The following RORA variants were observed in gnomAD, a reference collection of about 807,000 sequenced individuals.
RORA encodes the protein RAR related orphan receptor A.
In RORA, 7 loss-of-function variants were observed where a neutral mutation model predicts 69.5. That is an observed-to-expected ratio of 0.10 (90% CI 0.06 to 0.19). The LOEUF (loss-of-function observed/expected upper bound fraction) is 0.19, where lower values mean the gene tolerates loss of function less well. RORA is among the 10% of genes least tolerant of loss of function. The pLI is 1.00. For synonymous variants in RORA, 261 were observed against 240.8 expected (o/e 1.08, Z -0.78); for missense variants, 457 against 663.0 (o/e 0.69, Z 3.41).
At chr15:60,762,267 G>T (rs546609651) in intron 1 of RORA, among the ~76,000 whole-genome samples, 151 of 152,240 alleles carry the variant, frequency 9.9e-4, no homozygotes, top group African/African-American at 3.4e-3. Flanking sequence ...GGGATTCCAG[G>T]CAAGATAACA....
At chr15:61,088,804 T>C (rs1213534329) in intron 1 of RORA, among the ~76,000 whole-genome samples, 1 of 152,010 alleles carries the variant, frequency 6.6e-6, no homozygotes, top group South Asian at 2.1e-4. Flanking sequence ...CTATCTAAAG[T>C]CTCCTCCATC....
intron 1 of RORA, among the ~76,000 whole-genome samples, chr15:61,016,391 G>A (rs1042382565): frequency 8.5e-5 from 13 of 152,144 alleles, no homozygotes; most frequent in Non-Finnish European, 1.5e-5. Context: ...TGCAGAAAAT[G>A]GTCTCCCAGG....
intron 1 of RORA, among the ~76,000 whole-genome samples, chr15:61,208,821 T>C (rs186309769): frequency 1.3e-5 from 2 of 152,306 alleles, no homozygotes; most frequent in East Asian, 3.9e-4. Context: ...TTCATTATTT[T>C]GCTTCACATA....
intron 2 of RORA, among the ~76,000 whole-genome samples, chr15:60,629,187 C>CTTTTTTTTTTTTTTTTTTTT (rs34687322): frequency 2.7e-5 from 3 of 112,028 alleles, no homozygotes; most frequent in African/African-American, 1.1e-4. Context: ...ACTGTTTATT[C>CTTTTTTTTTTTTTTTTTTTT]TTTTTTTTTT....
intron 1 of RORA, among the ~76,000 whole-genome samples, chr15:60,829,218 G>C (rs2073005941): frequency 6.6e-6 from 1 of 152,120 alleles, no homozygotes; most frequent in Non-Finnish European, 1.5e-5. Context: ...CAGCAGGAAG[G>C]CTTCATCCCC....
chr15:61,219,357 G>A (rs550105513), intron 1 of RORA, among the ~76,000 whole-genome samples: 32 of 152,280 alleles, frequency 2.1e-4, no homozygotes, highest in African/African-American at 6.7e-4. Context: ...GGAGGATCAC[G>A]AGGTCAGGAG....
intron 1 of RORA, among the ~76,000 whole-genome samples, chr15:61,056,076 C>T (rs946274162): frequency 6.6e-6 from 1 of 152,144 alleles, no homozygotes; most frequent in Non-Finnish European, 1.5e-5. Flanking sequence ...CATACTACTT[C>T]TATGCTTTAA....
intron 2 of RORA, among the ~76,000 whole-genome samples, chr15:60,676,286 T>C (rs1451681935): frequency 6.6e-6 from 1 of 152,224 alleles, no homozygotes; most frequent in Non-Finnish European, 1.5e-5. Flanking sequence ...CGATGGGCTG[T>C]CTGCTGAGCT....
chr15:61,200,056 T>C (rs1044146918), intron 1 of RORA, among the ~76,000 whole-genome samples: 4 of 152,116 alleles, frequency 2.6e-5, no homozygotes, highest in African/African-American at 9.7e-5. Context: ...CTGACCTTGG[T>C]CAACACAGAA....
chr15:60,520,866 G>T (rs1377915363), intron 3 of RORA, among the ~76,000 whole-genome samples: 2 of 152,192 alleles, frequency 1.3e-5, no homozygotes, highest in Non-Finnish European at 2.9e-5. Flanking sequence ...AATACATGGA[G>T]ATGTTCATTT....
At chr15:61,030,186 C>G (rs1180766279) in intron 1 of RORA, among the ~76,000 whole-genome samples, 1 of 152,082 alleles carries the variant, frequency 6.6e-6, no homozygotes, top group Non-Finnish European at 1.5e-5. Flanking sequence ...GACCTGACAA[C>G]TAGATGTAAT....
intron 3 of RORA, among the ~76,000 whole-genome samples, chr15:60,523,050 C>CAAA (rs371105995): frequency 1.8e-4 from 26 of 148,412 alleles, no homozygotes; most frequent in African/African-American, 6.0e-4. Flanking sequence ...AAAAAAAACA[C>CAAA]AAAAAAAAAA....
intron 1 of RORA, among the ~76,000 whole-genome samples, chr15:61,224,877 G>A (rs2080131596): frequency 6.6e-6 from 1 of 152,156 alleles, no homozygotes; most frequent in Non-Finnish European, 1.5e-5. Context: ...ACAAGCTGAA[G>A]GGTCTCATCG....
chr15:60,958,033 T>C (rs1286882393), intron 1 of RORA, among the ~76,000 whole-genome samples: 1 of 152,154 alleles, frequency 6.6e-6, no homozygotes, highest in African/African-American at 2.4e-5. Context: ...ATGTCTCCTT[T>C]GAAATTGTTC....
intron 1 of RORA, among the ~76,000 whole-genome samples, chr15:61,116,057 C>A (rs1364766216): frequency 1.3e-5 from 2 of 151,966 alleles, no homozygotes; most frequent in African/African-American, 4.8e-5. Context: ...ACTGTTGATC[C>A]TTCAGCACTT....
At chr15:61,126,753 T>A (rs1596011014) in intron 1 of RORA, among the ~76,000 whole-genome samples, 1 of 152,156 alleles carries the variant, frequency 6.6e-6, no homozygotes, top group East Asian at 1.9e-4. Flanking sequence ...AGTGTTTAAG[T>A]AACTTACACA....
intron 2 of RORA, among the ~76,000 whole-genome samples, chr15:60,561,942 A>C (rs189610884): frequency 6.6e-6 from 1 of 151,582 alleles, no homozygotes; most frequent in South Asian, 2.1e-4. Flanking sequence ...AAAAAAAAAA[A>C]TTTTTTTTCT....
chr15:60,674,680 A>G (rs1313163548), intron 2 of RORA, among the ~76,000 whole-genome samples: 1 of 152,240 alleles, frequency 6.6e-6, no homozygotes, highest in African/African-American at 2.4e-5. Flanking sequence ...AAAATGTACT[A>G]GATTACCTTT....
At chr15:60,542,446 GCACA>G (rs2140356981) in intron 2 of RORA, among the ~76,000 whole-genome samples, 3 of 143,004 alleles carry the variant, frequency 2.1e-5, no homozygotes, top group African/African-American at 8.8e-5. Context: ...TCACAGCACA[GCACA>G]CAGGCACACC....
Sources: allele counts gnomAD v4.1 joint callset (sites outside exome capture counted in the v4.1 genomes callset), GRCh38; gene constraint gnomAD v4.1.1; transcripts MANE v1.5; gene names NCBI Gene and HGNC (gene_info 2026-07-23, HGNC 2026-07-21).